The following MGAT4C variants were observed in gnomAD, a reference collection of about 807,000 sequenced individuals.
MGAT4C encodes the protein alpha-1,3-mannosyl-glycoprotein 4-beta-N-acetylglucosaminyltransferase C.
A neutral mutation model predicts 40.1 loss-of-function variants in MGAT4C; 19 were observed. That is an observed-to-expected ratio of 0.47 (90% CI 0.33 to 0.70). The LOEUF (loss-of-function observed/expected upper bound fraction) is 0.70. MGAT4C is among the 30% of genes least tolerant of loss of function. The probability of loss-of-function intolerance (pLI) is 0.02; values close to 1 mark genes in which losing one functional copy is unlikely to be tolerated. For synonymous variants in MGAT4C, 181 were observed against 187.1 expected, an observed-to-expected ratio of 0.97 and a Z score of 0.27; for missense variants, 491 against 563.2, an observed-to-expected ratio of 0.87 and a Z score of 1.30.
chr12:86,478,172 C>T (rs1592896023), intron 2 of MGAT4C, among the ~76,000 whole-genome samples: 1 of 152,048 alleles, frequency 6.6e-6, no homozygotes, highest in African/African-American at 2.4e-5. Context: ...ATGGCATACT[C>T]ATATACAGGA....
At chr12:86,244,123 C>G (rs1252327834) in intron 1 of MGAT4C, among the ~76,000 whole-genome samples, 2 of 152,112 alleles carry the variant, frequency 1.3e-5, no homozygotes, top group Non-Finnish European at 2.9e-5. Flanking sequence ...TTGCCTAGGT[C>G]ATGCCTACGC....
chr12:86,319,476 T>C (rs1267305890), intron 4 of MGAT4C, among the ~76,000 whole-genome samples: 3 of 152,168 alleles, frequency 2.0e-5, no homozygotes, highest in Non-Finnish European at 2.9e-5. Context: ...AATACCTTAC[T>C]ATATTTATTG....
At chr12:86,481,644 C>T (rs765145440) in intron 2 of MGAT4C, among the ~76,000 whole-genome samples, 6 of 152,004 alleles carry the variant, frequency 3.9e-5, no homozygotes, top group South Asian at 2.1e-4. Context: ...CATGCAGACA[C>T]GCACACACAC....
chr12:86,604,565 T>A (rs1281497027), intron 2 of MGAT4C, among the ~76,000 whole-genome samples: 1 of 152,172 alleles, frequency 6.6e-6, no homozygotes, highest in Non-Finnish European at 1.5e-5. Flanking sequence ...TATCCAAATG[T>A]ACGTATCTAA....
chr12:86,163,271 T>C (rs771035756), intron 1 of MGAT4C, among the ~76,000 whole-genome samples: 9 of 151,502 alleles, frequency 5.9e-5, no homozygotes, highest in Non-Finnish European at 1.2e-4. Context: ...TGATCAAACC[T>C]ACTGCAGGCT....
At chr12:86,086,984 G>A (rs1028675036) in intron 1 of MGAT4C, among the ~76,000 whole-genome samples, 5 of 151,970 alleles carry the variant, frequency 3.3e-5, no homozygotes, top group East Asian at 1.9e-4. Context: ...CATCCATGTC[G>A]TTGTTAATGA....
chr12:86,658,739 T>G (rs1325607447), intron 2 of MGAT4C, among the ~76,000 whole-genome samples: 1 of 152,150 alleles, frequency 6.6e-6, no homozygotes, highest in Non-Finnish European at 1.5e-5. Context: ...TTAAATTGTA[T>G]TGTTGTTCAC....
chr12:86,306,680 G>GCATTTTATT (rs889208570), intron 4 of MGAT4C, among the ~76,000 whole-genome samples: 8 of 150,380 alleles, frequency 5.3e-5, no homozygotes, highest in African/African-American at 7.5e-5. Context: ...TAGGATTTGT[G>GCATTTTATT]CATTTTATTC....
intron 1 of MGAT4C, among the ~76,000 whole-genome samples, chr12:86,773,942 C>CTTTTTTTTTTTTTTTTTTTTTT (rs1565980916): frequency 1.9e-5 from 2 of 106,520 alleles, no homozygotes; most frequent in Non-Finnish European, 1.9e-5. Context: ...TTTAAAGTAA[C>CTTTTTTTTTTTTTTTTTTTTTT]TTCTTTTTTT....
chr12:86,744,500 G>A (rs1184868131), intron 1 of MGAT4C, among the ~76,000 whole-genome samples: 1 of 151,302 alleles, frequency 6.6e-6, no homozygotes, highest in Admixed American at 6.6e-5. Flanking sequence ...AGTACATTTT[G>A]GTTCATCTAA....
intron 2 of MGAT4C, among the ~76,000 whole-genome samples, chr12:86,485,047 C>T (rs1015803825): frequency 6.6e-6 from 1 of 152,140 alleles, no homozygotes; most frequent in Admixed American, 6.6e-5. Context: ...AATCCAGCCA[C>T]AAATAAAAAT....
intron 1 of MGAT4C, among the ~76,000 whole-genome samples, chr12:86,118,353 C>G (rs549836161): frequency 6.6e-6 from 1 of 152,162 alleles, no homozygotes; most frequent in East Asian, 1.9e-4. Context: ...GGGAGGGAGG[C>G]ATTTTGGTAG....
At chr12:86,793,037 T>A (rs1952053076) in intron 1 of MGAT4C, among the ~76,000 whole-genome samples, 1 of 152,232 alleles carries the variant, frequency 6.6e-6, no homozygotes, top group African/African-American at 2.4e-5. Flanking sequence ...CCTCAAATAG[T>A]GCAGTTTCTT....
intron 1 of MGAT4C, among the ~76,000 whole-genome samples, chr12:86,830,651 C>T (rs548187750): frequency 6.6e-6 from 1 of 151,888 alleles, no homozygotes; most frequent in African/African-American, 2.4e-5. Flanking sequence ...AAGTCAGCTT[C>T]TCTTAGCCTA....
intron 2 of MGAT4C, among the ~76,000 whole-genome samples, chr12:86,534,821 T>C (rs1350033335): frequency 6.6e-6 from 1 of 152,164 alleles, no homozygotes; most frequent in East Asian, 1.9e-4. Flanking sequence ...TGTTTTGTTA[T>C]GAAGTGTAGG....
intron 2 of MGAT4C, among the ~76,000 whole-genome samples, chr12:85,995,543 GGA>G (rs1886516160): frequency 6.6e-6 from 1 of 152,038 alleles, no homozygotes. Context: ...CAGCAAACTT[GGA>G]CTGGACATTA....
intron 2 of MGAT4C, among the ~76,000 whole-genome samples, chr12:86,583,901 G>A (rs1593010638): frequency 1.3e-5 from 2 of 150,852 alleles, no homozygotes; most frequent in East Asian, 3.9e-4. Context: ...AAAATTATTT[G>A]GCAGCTAAAT....
chr12:86,735,085 C>T (rs1950964569), intron 1 of MGAT4C, among the ~76,000 whole-genome samples: 2 of 151,886 alleles, frequency 1.3e-5, no homozygotes, highest in Admixed American at 1.3e-4. Context: ...GTAGAGAATC[C>T]AATCTACTTA....
intron 2 of MGAT4C, among the ~76,000 whole-genome samples, chr12:86,589,445 T>G (rs71195691): frequency 1.3e-3 from 196 of 152,006 alleles, no homozygotes; most frequent in Non-Finnish European, 2.3e-3. Context: ...CAGGACCAGA[T>G]GGATTCACAG....
Sources: gnomAD v4.1 joint callset for allele counts (sites outside exome capture counted in the v4.1 genomes callset) on GRCh38, gnomAD v4.1.1 for gene constraint, MANE v1.5 for transcripts, NCBI Gene and HGNC (gene_info 2026-07-23, HGNC 2026-07-21) for gene names.